Variants in KTN1 observed in about 807,000 individuals in gnomAD.
KTN1 encodes the protein kinectin.
Under a neutral mutation model 222.5 loss-of-function variants are expected in KTN1, and 130 were observed. The observed-to-expected ratio is 0.58, with a 90% CI of 0.51 to 0.68. KTN1 has a LOEUF of 0.68. KTN1 is among the 30% of genes least tolerant of loss of function. KTN1 has a pLI of 0.00. For missense variants in KTN1, 1,508 were observed against 1,500.4 expected (o/e 1.01, Z -0.08); for synonymous variants, 512 against 496.3 (o/e 1.03, Z -0.42).
chr14:55,613,576 C>T (rs756597266), intron 2 of KTN1, among the ~76,000 whole-genome samples: 1 of 150,298 alleles, frequency 6.7e-6, no homozygotes, highest in Non-Finnish European at 1.5e-5. Flanking sequence ...TCAGTGTGTC[C>T]TCTGCTGCCC....
Position 55,634,530 on chromosome 14 carries a change from T to A in KTN1, c.1333T>A (p.Ser445Thr). 6.2e-7 allele frequency: 1 copy of A among 1,605,560 alleles called. No individual in the cohort carries two copies. The highest frequency in any genetic ancestry group is 2.2e-5 in the East Asian group (1 of 44,754). ...NTTNQLESKQSAELNKLRQDY... is the reference protein window; with the variant it reads ...NTTNQLESKQTAELNKLRQDY... ...TAATCCAGTTACTGTTTTCAGGCAG[T>A]CTGCAGAACTAAATAAACTACGCCA... Residue 445 changes from serine to threonine, a missense_variant, in exon 9 of 44, where the codon TCT becomes ACT. Coordinates refer to ENST00000395314, the MANE Select transcript of KTN1 (RefSeq NM_001079521.2).
chr14:55,668,918 T>C (rs1197461694), intron 34 of KTN1: 1 of 152,100 alleles, frequency 6.6e-6, no homozygotes, highest in Non-Finnish European at 1.5e-5. Context: ...GAGGATATGT[T>C]CCGATCTGAT....
intron 43 of KTN1, chr14:55,682,688 A>G (rs745576053): frequency 5.9e-5 from 9 of 152,182 alleles, no homozygotes; most frequent in Non-Finnish European, 1.2e-4. Flanking sequence ...AAGAGATTCT[A>G]TAACTTGTCC....
At chr14:55,592,640 A>G (rs1224413205) in intron 1 of KTN1, among the ~76,000 whole-genome samples, 1 of 152,228 alleles carries the variant, frequency 6.6e-6, no homozygotes, top group African/African-American at 2.4e-5. Flanking sequence ...AACTTTGGAT[A>G]GTTATTCAAT....
At chr14:55,658,518 T>G (rs1474780147) in intron 29 of KTN1, 28 bp from the exon 30 acceptor site, 1 of 1,262,300 alleles carries the variant, frequency 7.9e-7, no homozygotes, top group African/African-American at 1.5e-5. Context: ...TCTGTTTAGA[T>G]ACTGATGTTT....
At chr14:55,653,499 T>G (rs2043149389) in intron 27 of KTN1, 60 bp from the exon 28 acceptor site, 1 of 1,297,154 alleles carries the variant, frequency 7.7e-7, no homozygotes, top group Admixed American at 1.9e-5. Flanking sequence ...ATATATGTTT[T>G]AGCACCTACA....
At position 55,620,828 on chromosome 14, in the gene KTN1, T is replaced by G. The variant is rs537923302; in HGVS notation, c.963+1516T>G. On this transcript the variant is annotated intron_variant, in intron 5 of 43. Transcript: ENST00000395314. Reference sequence around the variant, plus strand: ...CTCTGGAGACATTTTCTCCATTGTTTTGGTGATTTACATTTGGTTCCTCAT... The same window carrying G: ...CTCTGGAGACATTTTCTCCATTGTTGTGGTGATTTACATTTGGTTCCTCAT... Among the ~76,000 whole-genome samples, 11 of 152,332 alleles carry G rather than the reference T, an allele frequency of 7.2e-5. No homozygotes were observed. The South Asian group carries it at 1.9e-3, about 26-fold the overall frequency.
At chr14:55,650,186 C>G in intron 22 of KTN1, 142 bp from the exon 23 acceptor site, 1 of 659,066 alleles carries the variant, frequency 1.5e-6, no homozygotes, top group Non-Finnish European at 2.7e-6. Flanking sequence ...TCACCCTGGC[C>G]ATTCTACAAA....
chr14:55,671,643 C>A lies in KTN1; in HGVS notation c.3426C>A (p.Val1142=). The A allele has an allele frequency of 6.2e-7, 1 of 1,610,236 alleles. No individual in the cohort carries two copies. Among genetic ancestry groups the A allele is most frequent in the Non-Finnish European group, 8.5e-7 (1 of 1,177,690 alleles). Residue 1142 remains valine (V), a synonymous_variant, in exon 36 of 44, where the codon GTC becomes GTA. Transcript: ENST00000395314. ...TAGAGTGTGAAAAATACAAATCCGT[C>A]CTTGCAGAAACAGTAGGAAATGATT... ...LQLECEKYKS[V]LAETEGILQK... is the part of the protein sequence containing the mutation.
chr14:55,593,662 C>T (rs1157730059), intron 1 of KTN1, among the ~76,000 whole-genome samples: 2 of 151,942 alleles, frequency 1.3e-5, no homozygotes, highest in Non-Finnish European at 2.9e-5. Flanking sequence ...TTGCAAAGCA[C>T]TTGGGGAACG....
In KTN1 at chr14:55,618,035, G is replaced by T. The variant is rs773238209; in HGVS notation, c.733G>T (p.Val245Leu). 3.1e-6 allele frequency: 5 copies of T among 1,612,528 alleles called. No individual in the cohort carries two copies. In the Admixed American group the frequency reaches 6.7e-5, roughly 22 times the overall value. Reference sequence around the variant, plus strand: ...GATGGATAATGCTGACTCAAGTCCTGTGGTAGATAAGAGAGAGGTTATTGA... The same window carrying T: ...GATGGATAATGCTGACTCAAGTCCTTTGGTAGATAAGAGAGAGGTTATTGA... ...PLMDNADSSP[V>L]VDKREVIDLL... The change falls in exon 4 of 44, where the codon GTG (valine) becomes TTG (leucine). Residue 245 changes from valine (V) to leucine (L), a missense_variant. Physicochemically the swap from Val to Leu is conservative, Grantham distance 32. Transcript: ENST00000395314.
intron 43 of KTN1, 23 bp downstream of exon 43, chr14:55,679,708 T>G (rs760237021): frequency 6.2e-7 from 1 of 1,609,074 alleles, no homozygotes; most frequent in Admixed American, 1.7e-5. Context: ...GAAATATTGC[T>G]GTCTATGGGT....
chr14:55,637,157 C>A, intron 10 of KTN1, 41 bp from the exon 11 acceptor site: 1 of 1,460,690 alleles, frequency 6.8e-7, no homozygotes, highest in Non-Finnish European at 9.3e-7. Flanking sequence ...AGTAACTAGG[C>A]AAAGAAAGAG....
At chr14:55,630,270 G>C (rs2040365911) in intron 7 of KTN1, among the ~76,000 whole-genome samples, 173 bp downstream of exon 7, 1 of 152,164 alleles carries the variant, frequency 6.6e-6, no homozygotes, top group Non-Finnish European at 1.5e-5. Context: ...ATGAGGTAGG[G>C]AGGCCGGATG....
intron 33 of KTN1, 149 bp downstream of exon 33, chr14:55,664,190 C>T: frequency 1.7e-6 from 1 of 586,620 alleles, no homozygotes; most frequent in East Asian, 3.0e-5. Flanking sequence ...CTGCTTTTTT[C>T]ATCTACTCCT....
At chr14:55,643,094 G>C (rs2041962979) in intron 18 of KTN1, among the ~76,000 whole-genome samples, 1 of 152,092 alleles carries the variant, frequency 6.6e-6, no homozygotes, top group African/African-American at 2.4e-5. Context: ...ATTTTTAGCA[G>C]AGACGGGGTT....
At chr14:55,605,531 G>C (rs1040210824) in intron 1 of KTN1, among the ~76,000 whole-genome samples, 12 of 152,208 alleles carry the variant, frequency 7.9e-5, no homozygotes, top group African/African-American at 2.9e-4. Context: ...CCACCAGCTG[G>C]GGGCCACTTA....
chr14:55,611,217 G>A (rs2037510060), intron 1 of KTN1, among the ~76,000 whole-genome samples: 1 of 151,670 alleles, frequency 6.6e-6, no homozygotes, highest in Non-Finnish European at 1.5e-5. Flanking sequence ...CCTGCAAGTA[G>A]CTGGGACTAC....
chr14:55,677,250 C>T (rs146973115), intron 41 of KTN1, among the ~76,000 whole-genome samples: 9,195 of 152,062 alleles, frequency 0.06, 384 homozygotes, highest in South Asian at 0.09. Context: ...CCAAGGTGGG[C>T]GGATCACCTG....
Sources: gnomAD v4.1 joint callset for allele counts (sites outside exome capture counted in the v4.1 genomes callset) on GRCh38, gnomAD v4.1.1 for gene constraint, MANE v1.5 for transcripts, NCBI Gene and HGNC (gene_info 2026-07-23, HGNC 2026-07-21) for gene names.